The following CALN1 variants were observed in gnomAD, a reference collection of about 807,000 sequenced individuals.
CALN1 encodes calneuron 1.
CALN1 carries 17 observed loss-of-function variants against 30.6 expected under a neutral mutation model. The observed-to-expected ratio is 0.56, with a 90% CI of 0.38 to 0.83. The LOEUF (loss-of-function observed/expected upper bound fraction) is 0.83. Ranked by LOEUF, CALN1 falls within the 40% of genes least tolerant of loss-of-function variation. CALN1 has a pLI of 0.00. For synonymous variants in CALN1, 156 were observed against 131.4 expected, an observed-to-expected ratio of 1.19 and a Z score of -1.28; for missense variants, 291 against 354.9, an observed-to-expected ratio of 0.82 and a Z score of 1.45.
At chr7:72,092,363 T>G (rs976691225) in intron 4 of CALN1, among the ~76,000 whole-genome samples, 7 of 152,120 alleles carry the variant, frequency 4.6e-5, no homozygotes, top group African/African-American at 1.7e-4. Flanking sequence ...CATAGTCATG[T>G]TTTATTTAAT....
intron 2 of CALN1, chr7:72,336,599 G>A (rs1290278425): frequency 7.6e-6 from 6 of 786,168 alleles, no homozygotes; most frequent in South Asian, 1.1e-4. Flanking sequence ...ACCAGGGCCC[G>A]CGACAGCCCG....
chr7:72,053,419 C>T (rs844766), intron 4 of CALN1, among the ~76,000 whole-genome samples: 111,544 of 152,092 alleles, frequency 0.73, 41,369 homozygotes, highest in East Asian at 1. Flanking sequence ...ACTCAGAGCA[C>T]ATACCCAGTA....
At chr7:71,843,275 A>T (rs111349215) in intron 5 of CALN1, among the ~76,000 whole-genome samples, 7,587 of 152,188 alleles carry the variant, frequency 0.05, 636 homozygotes, top group African/African-American at 0.17. Flanking sequence ...GAATTCACAA[A>T]TAAAGAACGA....
At chr7:71,883,115 A>G (rs199986866) in intron 5 of CALN1, among the ~76,000 whole-genome samples, 4 of 147,498 alleles carry the variant, frequency 2.7e-5, no homozygotes, top group African/African-American at 1.0e-4. Context: ...ATAGTGATAT[A>G]TATATCTATA....
At chr7:72,449,523 C>G (rs1808613703), upstream of CALN1, among the ~76,000 whole-genome samples, 1 of 152,182 alleles carries the variant, frequency 6.6e-6, no homozygotes. Context: ...CTGGTTCACA[C>G]CCTTAGATAC....
chr7:72,278,923 C>G, intron 2 of CALN1, 113 bp from the exon 3 acceptor site: 2 of 1,386,094 alleles, frequency 1.4e-6, no homozygotes, highest in South Asian at 2.7e-5. Context: ...TTAAAAATAG[C>G]AGTAATATTT....
rs1008959862 is a variant in CALN1 at position 71,790,420 on chromosome 7, GAAAGAAGC to G, written c.659-2526_659-2519del. On this transcript the variant is annotated intron_variant, in intron 6 of 6. Transcript: ENST00000395275. ...AGAAAGAAAGAAAGAAAGAAAGAAA[GAAAGAAGC>G]AAGCAAGCAAGTGGGCTTTGATGAA... Among the ~76,000 whole-genome samples the G allele has an allele frequency of 2.8e-5, 4 of 143,902 alleles. 1 individual carries two copies. The highest frequency in any genetic ancestry group is 7.5e-5 in the African/African-American group (3 of 39,840). 94.4% of individuals were successfully genotyped at this position (143,902 alleles called of 152,430 possible).
chr7:72,448,425 A>T (rs1585740986), upstream of CALN1, among the ~76,000 whole-genome samples: 1 of 151,346 alleles, frequency 6.6e-6, no homozygotes, highest in Admixed American at 6.6e-5. Flanking sequence ...AGCCTCAGAG[A>T]CCCCCTTCCC....
intron 5 of CALN1, among the ~76,000 whole-genome samples, chr7:71,891,229 G>A (rs1793222950): frequency 6.6e-6 from 1 of 152,142 alleles, no homozygotes. Context: ...TGCGACAAAA[G>A]CAAAGGAACT....
Position 72,370,155 on chromosome 7 carries a change from A to G in CALN1, c.119+33096T>C, listed in dbSNP as rs543481304. Among the ~76,000 whole-genome samples, 3 of 152,312 alleles carry G rather than the reference A, an allele frequency of 2.0e-5. No homozygotes were observed. The South Asian group carries it at 6.2e-4, about 32-fold the overall frequency. On this transcript the variant is annotated intron_variant, in intron 2 of 6. Transcript: ENST00000395275. ...TGGTACAGTCATTTTAACTTCAGACATTTTAAAAAGTATGTAATGACATCT... is the reference window on the plus strand; with the variant it reads ...TGGTACAGTCATTTTAACTTCAGACGTTTTAAAAAGTATGTAATGACATCT...
intron 5 of CALN1, among the ~76,000 whole-genome samples, chr7:71,892,773 T>A (rs960885676): frequency 6.6e-6 from 1 of 152,198 alleles, no homozygotes; most frequent in African/African-American, 2.4e-5. Context: ...TTGAGAAATA[T>A]CTACTTCTGT....
At chr7:72,363,446 C>A (rs1385176733) in intron 2 of CALN1, among the ~76,000 whole-genome samples, 2 of 151,950 alleles carry the variant, frequency 1.3e-5, no homozygotes, top group Non-Finnish European at 2.9e-5. Flanking sequence ...GCCATGTTGG[C>A]CAGGCTGGTC....
intron 2 of CALN1, among the ~76,000 whole-genome samples, chr7:72,358,110 G>A (rs1032791750): frequency 2.0e-5 from 3 of 151,758 alleles, no homozygotes; most frequent in African/African-American, 7.3e-5. Context: ...TCCCACCTCA[G>A]CATCCCAAAG....
At chr7:72,326,556 T>A (rs1044694566) in intron 2 of CALN1, among the ~76,000 whole-genome samples, 1 of 152,250 alleles carries the variant, frequency 6.6e-6, no homozygotes, top group African/African-American at 2.4e-5. Context: ...GCAGTAGGAA[T>A]GCTGGAGGCT....
chr7:72,450,984 A>T (rs992540756), upstream of CALN1, among the ~76,000 whole-genome samples: 2 of 152,030 alleles, frequency 1.3e-5, no homozygotes, highest in Admixed American at 6.6e-5. Flanking sequence ...AGTTGCCACC[A>T]TGACGGCCTT....
chr7:72,124,808 CA>C (rs1313921287), intron 3 of CALN1, among the ~76,000 whole-genome samples: 1 of 151,230 alleles, frequency 6.6e-6, no homozygotes, highest in African/African-American at 2.4e-5. Flanking sequence ...CTACAGCAGG[CA>C]AGGAAATAGT....
At chr7:72,344,648 TTTTA>T (rs1305783005) in intron 2 of CALN1, among the ~76,000 whole-genome samples, 3 of 146,934 alleles carry the variant, frequency 2.0e-5, no homozygotes, top group Non-Finnish European at 4.5e-5. Flanking sequence ...ATTTATATTT[TTTTA>T]TTTATATAAA....
chr7:71,892,852 A>G (rs564962899), intron 5 of CALN1, among the ~76,000 whole-genome samples: 67 of 152,230 alleles, frequency 4.4e-4, no homozygotes, highest in African/African-American at 1.4e-3. Flanking sequence ...CAAAACAGCT[A>G]ACTCTCTACC....
At chr7:72,321,353 G>A (rs375944359) in intron 2 of CALN1, among the ~76,000 whole-genome samples, 2 of 152,178 alleles carry the variant, frequency 1.3e-5, no homozygotes, top group African/African-American at 2.4e-5. Flanking sequence ...GTCATCACGC[G>A]TTGAGCACAT....
Sources: allele counts gnomAD v4.1 joint callset (sites outside exome capture counted in the v4.1 genomes callset), GRCh38; gene constraint gnomAD v4.1.1; transcripts MANE v1.5; gene names NCBI Gene and HGNC (gene_info 2026-07-23, HGNC 2026-07-21).